SASS6: variants seen among roughly 807,000 people sequenced by gnomAD.
The protein encoded by SASS6 is SAS-6 centriolar assembly protein.
Under a neutral mutation model 94.9 loss-of-function variants are expected in SASS6, and 59 were observed. That is an observed-to-expected ratio of 0.62 (90% CI 0.50 to 0.77). The LOEUF is 0.77. Among genes scored for constraint, SASS6 ranks in the 30% least tolerant of loss-of-function variants. The pLI is 0.00. For missense variants in SASS6, 698 were observed against 734.1 expected (o/e 0.95, Z 0.57); for synonymous variants, 264 against 270.0 (o/e 0.98, Z 0.22).
intron 1 of SASS6, among the ~76,000 whole-genome samples, chr1:100,130,774 AG>A (rs1654951909): frequency 6.6e-6 from 1 of 152,010 alleles, no homozygotes; most frequent in Admixed American, 6.6e-5. Flanking sequence ...TATTCTGTAA[AG>A]GGCCAGATAG....
intron 14 of SASS6, among the ~76,000 whole-genome samples, chr1:100,096,660 T>C (rs1047129069): frequency 2.6e-5 from 4 of 152,196 alleles, no homozygotes; most frequent in Non-Finnish European, 4.4e-5. Flanking sequence ...GTATCCAGAA[T>C]ATACAAAGAA....
At chr1:100,086,157 C>T (rs1051429045) in intron 15 of SASS6, among the ~76,000 whole-genome samples, 3 of 152,066 alleles carry the variant, frequency 2.0e-5, no homozygotes, top group Non-Finnish European at 2.9e-5. Flanking sequence ...TCTACCACTG[C>T]CATCCTTTCT....
rs1230286228 is a variant in SASS6, at chr1:100,083,764, T to C, written c.*1564A>G. On this transcript the variant is annotated 3_prime_UTR_variant, in exon 17 of 17. Coordinates refer to ENST00000287482, the MANE Select transcript of SASS6 (RefSeq NM_194292.3). ...ACAAATTTGCAAGATATCAGAATGA[T>C]CTCTCCTGAAAATTCAACTTTCCTT... 6.6e-6 allele frequency: 1 copy of C among 152,002 alleles called. No individual in the cohort carries two copies. The highest frequency in any genetic ancestry group is 1.5e-5 in the Non-Finnish European group (1 of 67,910). The allele number at this position is 152,002 out of a possible 1,614,324, so 9.4% of individuals were successfully genotyped here. A position where few individuals can be genotyped will look rare whatever the true frequency, so the allele number is the denominator to read the frequency against.
At chr1:100,119,786 A>T (rs1387603307) in intron 6 of SASS6, among the ~76,000 whole-genome samples, 1 of 152,118 alleles carries the variant, frequency 6.6e-6, no homozygotes, top group Non-Finnish European at 1.5e-5. Flanking sequence ...ATGACTGTAA[A>T]CTTCCTCAGG....
In SASS6 at chr1:100,122,410, C is replaced by T; in HGVS notation, c.281G>A (p.Cys94Tyr). 1.3e-6 allele frequency: 2 copies of T among 1,564,328 alleles called. No individual in the cohort carries two copies. The highest frequency in any genetic ancestry group is 1.8e-6 in the Non-Finnish European group (2 of 1,138,280). Residue 94 changes from cysteine to tyrosine, a missense_variant, in exon 4 of 17, where the codon TGT (cysteine) becomes TAT (tyrosine). Transcript: ENST00000287482. ...AATTTCTTTGGCATGTTCTTGAGTA[C>T]ATTGCTGAAGGAGATCTATAAATTT... ...PQKFIDLLQQCTQEHAKEIPR... is the reference protein window; with the variant it reads ...PQKFIDLLQQYTQEHAKEIPR...
intron 2 of SASS6, among the ~76,000 whole-genome samples, chr1:100,124,159 A>G (rs1478639820): frequency 6.6e-6 from 1 of 152,252 alleles, no homozygotes; most frequent in Non-Finnish European, 1.5e-5. Context: ...TACAGCAGGC[A>G]TAAGGAATAA....
intron 7 of SASS6, among the ~76,000 whole-genome samples, chr1:100,113,906 C>T (rs1442136651): frequency 2.0e-5 from 3 of 151,952 alleles, no homozygotes. Flanking sequence ...CACCAGTAGT[C>T]CCTGCTACTC....
intron 13 of SASS6, among the ~76,000 whole-genome samples, chr1:100,105,451 C>T (rs891739585): frequency 1.3e-5 from 2 of 151,706 alleles, no homozygotes; most frequent in African/African-American, 2.4e-5. Flanking sequence ...GGTGTGAACC[C>T]GGGAGGCGGA....
At position 100,107,732 on chromosome 1, in the gene SASS6, A is replaced by T; in HGVS notation, c.1057-15T>A. 1.9e-6 allele frequency: 3 copies of T among 1,570,158 alleles called. No individual in the cohort carries two copies. The highest frequency in any genetic ancestry group is 1.7e-4 in the Middle Eastern group (1 of 5,920). On this transcript the variant is annotated splice_polypyrimidine_tract_variant and intron_variant, in intron 9 of 16. Coordinates refer to ENST00000287482, the MANE Select transcript of SASS6 (RefSeq NM_194292.3). ...TCTAAAACCACCTGATATATTTTTT[A>T]AAAACATGAATAATTAGGGCATTTG...
At chr1:100,118,885 A>T in intron 7 of SASS6, 133 bp downstream of exon 7, 1 of 483,578 alleles carries the variant, frequency 2.1e-6, no homozygotes, top group Non-Finnish European at 3.4e-6. Flanking sequence ...TTTGAAAGAG[A>T]GGATTTTTAT....
chr1:100,130,816 T>C (rs1172568977), intron 1 of SASS6, among the ~76,000 whole-genome samples: 4 of 152,050 alleles, frequency 2.6e-5, no homozygotes. Flanking sequence ...GGCCATAAGG[T>C]CTCTGTCACA....
At chr1:100,132,482 T>C (rs1029352848) in intron 1 of SASS6, among the ~76,000 whole-genome samples, 2 of 152,096 alleles carry the variant, frequency 1.3e-5, no homozygotes, top group African/African-American at 4.8e-5. Flanking sequence ...GCTATAATCT[T>C]CACGATTCCG....
chr1:100,127,116 A>G (rs1478198083), intron 1 of SASS6, among the ~76,000 whole-genome samples: 1 of 152,244 alleles, frequency 6.6e-6, no homozygotes, highest in Non-Finnish European at 1.5e-5. Flanking sequence ...ATAGAGCACA[A>G]ATGCTTATAT....
At chr1:100,098,683 C>A (rs1165512969) in intron 14 of SASS6, among the ~76,000 whole-genome samples, 1 of 150,884 alleles carries the variant, frequency 6.6e-6, no homozygotes, top group Non-Finnish European at 1.5e-5. Flanking sequence ...AAAAAACCTA[C>A]TCATCCATAA....
At chr1:100,118,186 A>T (rs868810295) in intron 7 of SASS6, among the ~76,000 whole-genome samples, 1 of 151,958 alleles carries the variant, frequency 6.6e-6, no homozygotes, top group Non-Finnish European at 1.5e-5. Flanking sequence ...ATGGTGGCAC[A>T]TGCCTGTAAT....
intron 14 of SASS6, among the ~76,000 whole-genome samples, chr1:100,097,387 A>G (rs1652176655): frequency 6.6e-6 from 1 of 152,232 alleles, no homozygotes. Flanking sequence ...CAAAAACTTA[A>G]AACAACTCAA....
rs200068560 is a variant in SASS6 at position 100,105,827 on chromosome 1, A to G, written c.1485T>C (p.Thr495=). The change falls in exon 13 of 17, where the codon ACT becomes ACC. Residue 495 remains threonine (T), a synonymous_variant. Transcript: ENST00000287482. ...TGTTGCTGCTGGAATGTGCAGGCGG[A>G]GTAGTAGAAGGTCCCAATACATCTT... is the stretch of plus-strand genomic sequence containing the variant. ...RKQDVLGPST[T]PPAHSSSNTI... The G allele has an allele frequency of 1.1e-4, 184 of 1,613,108 alleles. No homozygotes were observed. The highest frequency in any genetic ancestry group is 1.4e-5 in the Non-Finnish European group (17 of 1,179,290).
At chr1:100,091,295 G>A (rs979552880) in intron 14 of SASS6, among the ~76,000 whole-genome samples, 2 of 151,836 alleles carry the variant, frequency 1.3e-5, no homozygotes, top group Non-Finnish European at 2.9e-5. Flanking sequence ...AAACTCTTTT[G>A]AAAAAAATTG....
At chr1:100,098,835 T>C (rs951926055) in intron 14 of SASS6, among the ~76,000 whole-genome samples, 4 of 152,204 alleles carry the variant, frequency 2.6e-5, no homozygotes, top group Admixed American at 6.5e-5. Flanking sequence ...CGCAGAACAA[T>C]TGGCAAGTAC....
Sources: gnomAD v4.1 joint callset for allele counts (sites outside exome capture counted in the v4.1 genomes callset) on GRCh38, gnomAD v4.1.1 for gene constraint, MANE v1.5 for transcripts, NCBI Gene and HGNC (gene_info 2026-07-23, HGNC 2026-07-21) for gene names.